C7: variants seen among roughly 807,000 people sequenced by gnomAD.
C7 encodes complement C7, also known as complement component C7.
C7 carries 83 observed loss-of-function variants against 104.8 expected under a neutral mutation model. That is an observed-to-expected ratio of 0.79 (90% CI 0.66 to 0.95). The LOEUF is 0.95. Ranked by LOEUF, C7 falls within the 40% of genes least tolerant of loss-of-function variation. The probability of loss-of-function intolerance (pLI) is 0.00; values close to 1 mark genes in which losing one functional copy is unlikely to be tolerated. For synonymous variants in C7, 415 were observed against 360.6 expected (o/e 1.15, Z -1.71); for missense variants, 1,070 against 1,011.2 (o/e 1.06, Z -0.79).
At chr5:40,957,774 T>TG (rs10676096) in intron 10 of C7, among the ~76,000 whole-genome samples, 2 of 44,442 alleles carry the variant, frequency 4.5e-5, no homozygotes, top group African/African-American at 7.9e-5. Flanking sequence ...TTTTGTTTTT[T>TG]TTTTTTTTAA....
Position 40,959,539 on chromosome 5 carries a change from C to T in C7, c.1580C>T (p.Pro527Leu). 6 of 1,611,358 alleles carry T rather than the reference C, an allele frequency of 3.7e-6. No individual in the cohort carries two copies. Among genetic ancestry groups the T allele is most frequent in the Non-Finnish European group, 5.1e-6 (6 of 1,179,194 alleles). Reference protein sequence around the residue: ...KTRSRECNNPPPSGGGRSCVG... With the variant: ...KTRSRECNNPLPSGGGRSCVG... ...AGAAGCCGTGAATGCAATAACCCAC[C>T]TCCCAGTGGGGGTGGGAGATCCTGC... Residue 527 changes from proline (P) to leucine (L), a missense_variant, in exon 12 of 18, where the codon CCT becomes CTT. Transcript: ENST00000313164.
chr5:40,934,795 G>A (rs767340025), intron 4 of C7, among the ~76,000 whole-genome samples: 18 of 152,048 alleles, frequency 1.2e-4, no homozygotes, highest in East Asian at 1.9e-4. Context: ...GAGATTAGAC[G>A]AAAACAATGT....
At chr5:40,959,333 G>A in intron 11 of C7, 116 bp from the exon 12 acceptor site, 1 of 870,946 alleles carries the variant, frequency 1.1e-6, no homozygotes, top group South Asian at 1.9e-5. Flanking sequence ...AAGAGTGAAG[G>A]TAATCAATAT....
chr5:40,949,957 G>A lies in C7; in HGVS notation c.1036G>A (p.Val346Ile), dbSNP rs369760989. 127 of 1,601,220 alleles carry A rather than the reference G, an allele frequency of 7.9e-5. No individual in the cohort carries two copies. The highest frequency in any genetic ancestry group is 3.9e-4 in the Admixed American group (23 of 58,304). ...KCKSSGWHFV[V>I]KFSSHGCKEL... Reference sequence around the variant, plus strand: ...TAAATCCTCAGGTTGGCATTTTGTCGTTAAATTTTCAAGTCATGGATGCAA... The same window carrying A: ...TAAATCCTCAGGTTGGCATTTTGTCATTAAATTTTCAAGTCATGGATGCAA... Residue 346 changes from valine to isoleucine, a missense_variant, in exon 9 of 18, where the codon GTT becomes ATT. Coordinates refer to ENST00000313164, the MANE Select transcript of C7 (RefSeq NM_000587.4).
In C7 at chr5:40,951,312, G is replaced by A. The variant is rs566786836; in HGVS notation, c.1093+1298G>A. On this transcript the variant is annotated intron_variant, in intron 9 of 17. Transcript: ENST00000313164. Reference sequence around the variant, plus strand: ...GTTTGCAAATATTTTTTCCCATTTTGTGGGTTGTCTGTTACACATTGATAG... The same window carrying A: ...GTTTGCAAATATTTTTTCCCATTTTATGGGTTGTCTGTTACACATTGATAG... Among the ~76,000 whole-genome samples, 12 of 152,154 alleles carry A rather than the reference G, an allele frequency of 7.9e-5. No individual in the cohort carries two copies. The East Asian group carries it at 2.3e-3, about 29-fold the overall frequency.
intron 17 of C7, 158 bp downstream of exon 17, chr5:40,980,067 C>A: frequency 2.0e-6 from 1 of 488,190 alleles, no homozygotes; most frequent in Non-Finnish European, 3.5e-6. Context: ...TCCTATACCC[C>A]TCACTGGAGA....
chr5:40,959,487 A>T lies in C7; in HGVS notation c.1528A>T (p.Ser510Cys), dbSNP rs2111668007. 3.1e-6 allele frequency: 5 copies of T among 1,611,374 alleles called. No homozygotes were observed. Among genetic ancestry groups the T allele is most frequent in the Non-Finnish European group, 3.4e-6 (4 of 1,179,292 alleles). The change falls in exon 12 of 18, where the codon AGC becomes TGC. Residue 510 changes from serine to cysteine, a missense_variant. Ser to Cys is a moderately radical substitution (Grantham distance 112). Transcript: ENST00000313164. ...AGGTTGGAGTTGCTGGTCCTCTTGG[A>T]GCCCCTGTGTCCAAGGGAAGAAAAC... The part of the protein sequence containing the change: ...DGGWSCWSSW[S>C]PCVQGKKTRS...
chr5:40,979,016 A>G lies in C7; in HGVS notation c.2166-709A>G, dbSNP rs191356144. On this transcript the variant is annotated intron_variant, in intron 16 of 17. Transcript: ENST00000313164. ...TGCTTCAGCCTCCTGAGTAGCTGGG[A>G]TTACAGGTGTGCGCCACCACGCCCA... 7.3e-5 allele frequency among the ~76,000 whole-genome samples: 11 copies of G among 150,658 alleles called. 1 individual carries two copies. The Admixed American group carries it at 7.3e-4, about 10-fold the overall frequency.
At chr5:40,918,112 C>A (rs116364123) in intron 1 of C7, among the ~76,000 whole-genome samples, 1,638 of 152,050 alleles carry the variant, frequency 0.011, 38 homozygotes, top group African/African-American at 0.038. Context: ...TTGAAAACTG[C>A]GAAACCACAA....
chr5:40,970,453 GAAA>G (rs1561258479), intron 14 of C7, among the ~76,000 whole-genome samples: 1 of 152,094 alleles, frequency 6.6e-6, no homozygotes, highest in East Asian at 1.9e-4. Context: ...GAATACAGAT[GAAA>G]AGTCAGGGAA....
intron 8 of C7, among the ~76,000 whole-genome samples, chr5:40,948,238 C>A (rs368790104): frequency 1.0e-5 from 1 of 99,862 alleles, no homozygotes; most frequent in Non-Finnish European, 2.0e-5. Flanking sequence ...TTGTTTTTTA[C>A]CCTCTCATTC....
At chr5:40,958,350 A>G (rs1254922693) in intron 11 of C7, 89 bp downstream of exon 11, 2 of 695,630 alleles carry the variant, frequency 2.9e-6, no homozygotes, top group Admixed American at 6.5e-5. Flanking sequence ...TTCTTTGTGT[A>G]TGAAGAGATG....
chr5:40,961,773 G>A (rs1740427488), intron 12 of C7, among the ~76,000 whole-genome samples: 1 of 152,144 alleles, frequency 6.6e-6, no homozygotes, highest in Non-Finnish European at 1.5e-5. Flanking sequence ...TTTGAAACAG[G>A]TGACCTCTAG....
At chr5:40,979,307 T>C (rs1740887188) in intron 16 of C7, among the ~76,000 whole-genome samples, 1 of 152,220 alleles carries the variant, frequency 6.6e-6, no homozygotes, top group Non-Finnish European at 1.5e-5. Flanking sequence ...AACTCTTGGC[T>C]GTTGGGCTGG....
At chr5:40,936,111 C>T (rs575330955) in intron 4 of C7, among the ~76,000 whole-genome samples, 1 of 152,170 alleles carries the variant, frequency 6.6e-6, no homozygotes, top group African/African-American at 2.4e-5. Context: ...GAATTCAGAT[C>T]CTATTTTCAA....
At chr5:40,926,178 T>C (rs1289771092) in intron 1 of C7, among the ~76,000 whole-genome samples, 1 of 152,232 alleles carries the variant, frequency 6.6e-6, no homozygotes, top group African/African-American at 2.4e-5. Context: ...TCTTGTTAGA[T>C]GCAGAAAAAC....
At chr5:40,933,280 G>A (rs1455254415) in intron 3 of C7, among the ~76,000 whole-genome samples, 3 of 152,108 alleles carry the variant, frequency 2.0e-5, no homozygotes, top group African/African-American at 4.8e-5. Flanking sequence ...GAATAAGTTC[G>A]ACATTGATAT....
At chr5:40,980,064 C>A (rs1055021) in intron 17 of C7, 155 bp downstream of exon 17, 56,212 of 516,112 alleles carry the variant, frequency 0.11, 3,602 homozygotes, top group East Asian at 0.22. Flanking sequence ...CTCTCCTATA[C>A]CCCTCACTGG....
At chr5:40,967,003 G>A (rs926578070) in intron 14 of C7, among the ~76,000 whole-genome samples, 1 of 151,824 alleles carries the variant, frequency 6.6e-6, no homozygotes, top group Non-Finnish European at 1.5e-5. Flanking sequence ...CTACTTGAAG[G>A]GCTTCTTTTC....
Sources: allele counts gnomAD v4.1 joint callset (sites outside exome capture counted in the v4.1 genomes callset), GRCh38; gene constraint gnomAD v4.1.1; transcripts MANE v1.5; gene names NCBI Gene and HGNC (gene_info 2026-07-23, HGNC 2026-07-21).